LYST: variants seen among roughly 807,000 people sequenced by gnomAD.
LYST encodes lysosomal trafficking regulator.
A neutral mutation model predicts 413.6 loss-of-function variants in LYST; 192 were observed. That is an observed-to-expected ratio of 0.46 (90% CI 0.41 to 0.52). LYST has a LOEUF of 0.52. Ranked by LOEUF, LYST falls within the 20% of genes least tolerant of loss-of-function variation. The pLI is 0.00. For missense variants in LYST, 3,815 were observed against 4,499.9 expected (o/e 0.85, Z 4.35); for synonymous variants, 1,525 against 1,567.3 (o/e 0.97, Z 0.64).
intron 22 of LYST, among the ~76,000 whole-genome samples, chr1:235,762,323 G>A (rs1336748015): frequency 2.6e-5 from 4 of 152,084 alleles, no homozygotes; most frequent in African/African-American, 4.8e-5. Flanking sequence ...CATGCAGAGC[G>A]GTAAGACAAA....
rs773266877 is a variant in LYST, at chr1:235,664,030, G to C, written c.11221C>G (p.Pro3741Ala). 2 of 1,613,250 alleles carry C rather than the reference G, an allele frequency of 1.2e-6. No homozygotes were observed. Among genetic ancestry groups the C allele is most frequent in the South Asian group, 2.2e-5 (2 of 91,074 alleles). The change falls in exon 52 of 53, where the codon CCT becomes GCT. Residue 3741 changes from proline to alanine, a missense_variant. Coordinates refer to ENST00000389793, the MANE Select transcript of LYST (RefSeq NM_000081.4). This position sits in a 1 kb window ranked among gnomAD's most constrained non-coding sequence, Gnocchi z 4.5. ...VRLWSTWDLK[P>A]VREITFPKSN... ...TTGGGAAATGTAATTTCTCTCACAG[G>C]CTTTAAGTCCCATGTGCTCCATAAC...
chr1:235,689,409 C>T (rs61837661), intron 47 of LYST, among the ~76,000 whole-genome samples: 1 of 152,014 alleles, frequency 6.6e-6, no homozygotes, highest in Non-Finnish European at 1.5e-5. Context: ...AAGACAAATA[C>T]TGTATGATCC....
At chr1:235,738,909 ACT>A (rs997180618) in intron 31 of LYST, 2 of 733,896 alleles carry the variant, frequency 2.7e-6, no homozygotes, top group East Asian at 2.5e-5. Flanking sequence ...TGTGAAGGTG[ACT>A]CTGACTCCTG....
intron 40 of LYST, among the ~76,000 whole-genome samples, chr1:235,719,014 T>C (rs1663095647): frequency 6.6e-6 from 1 of 152,144 alleles, no homozygotes; most frequent in Non-Finnish European, 1.5e-5. Context: ...GGCTTCTGAG[T>C]CCTTTTCTAT....
chr1:235,742,255 G>C (rs1665478706), intron 30 of LYST, among the ~76,000 whole-genome samples: 1 of 152,106 alleles, frequency 6.6e-6, no homozygotes, highest in Admixed American at 6.5e-5. Flanking sequence ...AGGAGTTCAA[G>C]ACCAACCTGG....
intron 12 of LYST, among the ~76,000 whole-genome samples, chr1:235,791,288 AAG>A (rs1383399290): frequency 6.6e-6 from 1 of 152,130 alleles, no homozygotes; most frequent in Non-Finnish European, 1.5e-5. Context: ...CTCAAAAAAA[AAG>A]AGAGAGAAAG....
At chr1:235,793,108 T>C (rs1413558176) in intron 11 of LYST, among the ~76,000 whole-genome samples, 4 of 152,138 alleles carry the variant, frequency 2.6e-5, no homozygotes, top group Admixed American at 1.3e-4. Context: ...GCCACACCAA[T>C]GGAAAGGGGA....
intron 1 of LYST, among the ~76,000 whole-genome samples, chr1:235,859,538 G>GTTTTTTTTTTT: frequency 6.7e-6 from 1 of 148,866 alleles, no homozygotes; most frequent in African/African-American, 2.5e-5. Flanking sequence ...ATCTGACTCA[G>GTTTTTTTTTTT]TTTCAACAAA....
At chr1:235,663,100 C>T (rs1317301179) in intron 52 of LYST, 22 bp from the exon 53 acceptor site, 2 of 1,402,048 alleles carry the variant, frequency 1.4e-6, no homozygotes, top group Non-Finnish European at 2.0e-6. Context: ...AAAAAATTCC[C>T]ATTTGTACAT....
chr1:235,829,367 CA>C (rs1281384870), intron 3 of LYST: 2 of 152,044 alleles, frequency 1.3e-5, no homozygotes, highest in Non-Finnish European at 2.9e-5. Flanking sequence ...GCTTTCACAG[CA>C]AAGAAATTTT....
intron 28 of LYST, among the ~76,000 whole-genome samples, chr1:235,746,763 G>A (rs985340561): frequency 2.0e-5 from 3 of 152,148 alleles, no homozygotes; most frequent in African/African-American, 4.8e-5. Context: ...TAGTGACACA[G>A]CTTAGTAAAA....
intron 1 of LYST, among the ~76,000 whole-genome samples, chr1:235,878,001 A>T (rs1198305223): frequency 6.6e-6 from 1 of 152,190 alleles, no homozygotes; most frequent in East Asian, 1.9e-4. Context: ...ACTGAGGAAG[A>T]CAGTTGACTC....
intron 6 of LYST, 59 bp downstream of exon 6, chr1:235,805,680 ATGTG>A: frequency 1.2e-6 from 1 of 857,676 alleles, no homozygotes; most frequent in Admixed American, 2.2e-5. Context: ...TTATATATAT[ATGTG>A]TGTGTGTATA....
chr1:235,764,476 ATTTC>A (rs1306435521), intron 21 of LYST, among the ~76,000 whole-genome samples: 1 of 109,852 alleles, frequency 9.1e-6, no homozygotes, highest in Non-Finnish European at 2.0e-5. Flanking sequence ...CATTTACTAC[ATTTC>A]TTTTTTTTTC....
intron 10 of LYST, among the ~76,000 whole-genome samples, chr1:235,795,674 C>G (rs1671482329): frequency 6.6e-6 from 1 of 152,096 alleles, no homozygotes; most frequent in African/African-American, 2.4e-5. Flanking sequence ...CACATACTAC[C>G]CACTCAGGAA....
At chr1:235,873,539 G>GAC (rs1314201525) in intron 1 of LYST, among the ~76,000 whole-genome samples, 2 of 152,040 alleles carry the variant, frequency 1.3e-5, no homozygotes, top group African/African-American at 2.4e-5. Context: ...TGTTTTAGTA[G>GAC]ACACACACAC....
In LYST at chr1:235,712,826, A is replaced by G. The variant is rs150065814; in HGVS notation, c.9785-629T>C. 1,123 of 984,936 alleles carry G rather than the reference A, an allele frequency of 1.1e-3. 2 individuals are homozygous for G. The highest frequency in any genetic ancestry group is 1.3e-3 in the Non-Finnish European group (1,096 of 829,524). 61.0% of individuals were successfully genotyped at this position (984,936 alleles called of 1,614,324 possible). A position where few individuals can be genotyped will look rare whatever the true frequency, so the allele number is the denominator to read the frequency against. On this transcript the variant is annotated intron_variant, in intron 42 of 52. Transcript: ENST00000389793. Reference sequence around the variant, plus strand: ...CTTTCGTTCATTTTTTTTCCAGGGTAGACTATTAATAATAAAGAATTAAGT... The same window carrying G: ...CTTTCGTTCATTTTTTTTCCAGGGTGGACTATTAATAATAAAGAATTAAGT...
At chr1:235,698,065 T>C (rs1004732627) in intron 45 of LYST, among the ~76,000 whole-genome samples, 2 of 152,208 alleles carry the variant, frequency 1.3e-5, no homozygotes, top group Non-Finnish European at 2.9e-5. Flanking sequence ...TTTTAAAGAG[T>C]TTCCCCAAAT....
chr1:235,828,717 G>T (rs1001007301), intron 3 of LYST: 6 of 894,804 alleles, frequency 6.7e-6, no homozygotes, highest in Non-Finnish European at 8.0e-6. Flanking sequence ...ACAAAGCATT[G>T]AATTTTTTTA....
Sources: gnomAD v4.1 joint callset for allele counts (sites outside exome capture counted in the v4.1 genomes callset) on GRCh38, gnomAD v4.1.1 for gene constraint, Gnocchi (gnomAD v3.1) non-coding constraint, MANE v1.5 for transcripts, NCBI Gene and HGNC (gene_info 2026-07-23, HGNC 2026-07-21) for gene names.